Variants in RYR3 observed in about 807,000 individuals in gnomAD.
The protein encoded by RYR3 is ryanodine receptor 3.
In RYR3, 207 loss-of-function variants were observed where a neutral mutation model predicts 584.3. The observed-to-expected ratio is 0.35, with a 90% CI of 0.32 to 0.40. RYR3 has a LOEUF of 0.40. Among genes scored for constraint, RYR3 ranks in the 10% least tolerant of loss-of-function variants. The pLI is 1.00. For missense variants in RYR3, 5,616 were observed against 6,089.2 expected, an observed-to-expected ratio of 0.92 and a Z score of 2.59; for synonymous variants, 2,416 against 2,248.5, an observed-to-expected ratio of 1.07 and a Z score of -2.11.
chr15:33,368,282 G>A (rs185275466), intron 1 of RYR3, among the ~76,000 whole-genome samples: 17 of 149,650 alleles, frequency 1.1e-4, no homozygotes, highest in Admixed American at 2.0e-4. Flanking sequence ...CTGGGTCATC[G>A]CCTAGTTTTG....
chr15:33,457,987 G>C (rs1691195465), intron 1 of RYR3, among the ~76,000 whole-genome samples: 1 of 152,218 alleles, frequency 6.6e-6, no homozygotes, highest in Admixed American at 6.5e-5. Flanking sequence ...ATCATCAGTA[G>C]TGCCAGGTAC....
intron 32 of RYR3, among the ~76,000 whole-genome samples, chr15:33,655,137 A>G (rs1360554302): frequency 2.0e-5 from 3 of 152,374 alleles, no homozygotes; most frequent in East Asian, 1.9e-4. Context: ...CGCTTGCTTC[A>G]GCAGCTGGGG....
rs899459725 is a variant in RYR3 at position 33,864,567 on chromosome 15, G to A, written c.14517+378G>A. Among the ~76,000 whole-genome samples the A allele has an allele frequency of 4.6e-5, 7 of 151,190 alleles. No individual in the cohort carries two copies. The South Asian group carries it at 1.4e-3, about 31-fold the overall frequency. ...TAAGAAAGATAACGACCTCATGTGT[G>A]GGTGACACAGGAGCCTGGAGGTGTG... On this transcript the variant is annotated intron_variant, in intron 103 of 103. Transcript: ENST00000634891.
Position 33,660,355 on chromosome 15 carries a change from C to T in RYR3, c.4554C>T (p.Arg1518=), listed in dbSNP as rs764295522. 4 of 1,592,110 alleles carry T rather than the reference C, an allele frequency of 2.5e-6. No homozygotes were observed. The highest frequency in any genetic ancestry group is 2.7e-5 in the African/African-American group (2 of 74,564). ...TGGAGACCGAGCGTGTGAGCGAGCG[C>T]CACGGCTGGGTGGTGCAGTGCCTGG... is the stretch of plus-strand genomic sequence containing the variant. ...LKVETERVSE[R]HGWVVQCLEP... The change falls in exon 34 of 104, where the codon CGC becomes CGT. Residue 1518 remains arginine (R), a synonymous_variant. Coordinates refer to ENST00000634891, the MANE Select transcript of RYR3 (RefSeq NM_001036.6).
chr15:33,314,940 ACC>A (rs368369352), intron 1 of RYR3, among the ~76,000 whole-genome samples: 4 of 141,922 alleles, frequency 2.8e-5, no homozygotes, highest in African/African-American at 9.2e-5. Context: ...AAAAAAAAAA[ACC>A]AAAAAAAAAC....
At chr15:33,620,476 T>A (rs1027477847) in intron 19 of RYR3, among the ~76,000 whole-genome samples, 1 of 152,220 alleles carries the variant, frequency 6.6e-6, no homozygotes, top group African/African-American at 2.4e-5. Flanking sequence ...CACTTCACTT[T>A]AGGATGTGAA....
rs1309649066 is a variant in RYR3, at chr15:33,632,906, A to T, written c.2868-43A>T. 5 of 1,557,496 alleles carry T rather than the reference A, an allele frequency of 3.2e-6. No individual in the cohort carries two copies. In the Admixed American group the frequency reaches 5.3e-5, roughly 17 times the overall value. On this transcript the variant is annotated intron_variant, in intron 23 of 103. Coordinates refer to ENST00000634891, the MANE Select transcript of RYR3 (RefSeq NM_001036.6). ...GTCTAAAATCCGGAATGAGAAACTCATGGAGATCTGTTAAAAATGTATACT... is the reference window on the plus strand; with the variant it reads ...GTCTAAAATCCGGAATGAGAAACTCTTGGAGATCTGTTAAAAATGTATACT...
intron 1 of RYR3, among the ~76,000 whole-genome samples, chr15:33,319,700 G>C (rs1403177471): frequency 6.6e-6 from 1 of 152,168 alleles, no homozygotes; most frequent in Non-Finnish European, 1.5e-5. Flanking sequence ...ATTTGTAAAG[G>C]CATGGTAATA....
chr15:33,397,513 C>T (rs1041728413), intron 1 of RYR3, among the ~76,000 whole-genome samples: 4 of 152,162 alleles, frequency 2.6e-5, no homozygotes, highest in Non-Finnish European at 5.9e-5. Context: ...GGTCTCTTTT[C>T]AGGAGAAAGT....
chr15:33,839,000 A>G, intron 89 of RYR3, 42 bp downstream of exon 89: 4 of 1,568,476 alleles, frequency 2.6e-6, no homozygotes, highest in East Asian at 2.2e-5. Context: ...TATCCCCAGA[A>G]TAAGACTTGC....
chr15:33,833,829 C>G (rs1411129277), intron 86 of RYR3, among the ~76,000 whole-genome samples: 1 of 152,168 alleles, frequency 6.6e-6, no homozygotes, highest in Non-Finnish European at 1.5e-5. Context: ...CCTTTTAAAC[C>G]TTGGGAATCC....
At chr15:33,483,988 T>A (rs571700738) in intron 2 of RYR3, among the ~76,000 whole-genome samples, 19 of 152,290 alleles carry the variant, frequency 1.2e-4, no homozygotes, top group African/African-American at 4.3e-4. Flanking sequence ...TAAAAAGTAA[T>A]ATTCCTTTCA....
chr15:33,795,137 G>A (rs1327035215), intron 67 of RYR3, among the ~76,000 whole-genome samples: 2 of 151,990 alleles, frequency 1.3e-5, no homozygotes, highest in Non-Finnish European at 2.9e-5. Context: ...CCTCTTCCCT[G>A]GTTTTTCTCA....
chr15:33,525,332 T>A (rs1231765093), intron 3 of RYR3, among the ~76,000 whole-genome samples: 1 of 152,264 alleles, frequency 6.6e-6, no homozygotes, highest in African/African-American at 2.4e-5. Context: ...AGTGAATTAA[T>A]GAACTTGGCT....
chr15:33,591,130 C>T (rs974185547), intron 16 of RYR3, among the ~76,000 whole-genome samples: 3 of 152,186 alleles, frequency 2.0e-5, no homozygotes, highest in African/African-American at 7.2e-5. Flanking sequence ...CTCCTCACTT[C>T]CTACTTTTCC....
At chr15:33,730,701 T>C (rs557851354) in intron 47 of RYR3, among the ~76,000 whole-genome samples, 25 of 152,226 alleles carry the variant, frequency 1.6e-4, no homozygotes, top group Non-Finnish European at 3.5e-4. Context: ...TTTTCAAAGA[T>C]GGTGGTAAAG....
At position 33,659,663 on chromosome 15, in the gene RYR3, C is replaced by G. The variant is rs962743091; in HGVS notation, c.4309-57C>G. 3.5e-6 allele frequency: 4 copies of G among 1,136,250 alleles called. No individual in the cohort carries two copies. In the Admixed American group the frequency reaches 5.3e-5, roughly 15 times the overall value. 70.4% of individuals were successfully genotyped at this position (1,136,250 alleles called of 1,614,324 possible). ...TTGACCAAAACACCCAATGGCTGAGCCAGCTGTGTTGTTTGTCCAGCTCTG... is the reference window on the plus strand; with the variant it reads ...TTGACCAAAACACCCAATGGCTGAGGCAGCTGTGTTGTTTGTCCAGCTCTG... On this transcript the variant is annotated intron_variant, in intron 32 of 103. Transcript: ENST00000634891.
At chr15:33,819,870 G>A (rs1290539229) in intron 77 of RYR3, 63 bp downstream of exon 77, 37 of 1,330,372 alleles carry the variant, frequency 2.8e-5, no homozygotes, top group East Asian at 9.5e-5. Context: ...TTCTTTAGGC[G>A]CATGAAAATT....
chr15:33,771,891 T>G, intron 62 of RYR3, 29 bp from the exon 63 acceptor site: 1 of 1,537,838 alleles, frequency 6.5e-7, no homozygotes. Flanking sequence ...CAGATTATGC[T>G]TCTAGATTTG....
Sources: gnomAD v4.1 joint callset for allele counts (sites outside exome capture counted in the v4.1 genomes callset) on GRCh38, gnomAD v4.1.1 for gene constraint, MANE v1.5 for transcripts, NCBI Gene and HGNC (gene_info 2026-07-23, HGNC 2026-07-21) for gene names.